Variants in STPG2 observed in about 807,000 individuals in gnomAD.
The protein encoded by STPG2 is sperm tail PG-rich repeat containing 2, also known as sperm-tail PG-rich repeat-containing protein 2.
STPG2 carries 56 observed loss-of-function variants against 54.2 expected under a neutral mutation model. The observed-to-expected ratio is 1.03, with a 90% confidence interval of 0.83 to 1.29. The LOEUF (loss-of-function observed/expected upper bound fraction) is 1.29, where lower values mean the gene tolerates loss of function less well. STPG2 is among the 50% of genes most tolerant of loss of function. The probability of loss-of-function intolerance (pLI) is 0.00; values close to 1 mark genes in which losing one functional copy is unlikely to be tolerated. For synonymous variants in STPG2, 200 were observed against 181.8 expected, an observed-to-expected ratio of 1.10 and a Z score of -0.81; for missense variants, 596 against 544.9, an observed-to-expected ratio of 1.09 and a Z score of -0.93.
chr4:97,477,223 C>T (rs1730094137), intron 4 of STPG2, among the ~76,000 whole-genome samples: 1 of 152,094 alleles, frequency 6.6e-6, no homozygotes, highest in African/African-American at 2.4e-5. Flanking sequence ...TAGTAACTGT[C>T]ATTATTTCTA....
At chr4:97,570,296 AT>A (rs1249872085) in intron 10 of STPG2, among the ~76,000 whole-genome samples, 1 of 152,176 alleles carries the variant, frequency 6.6e-6, no homozygotes, top group East Asian at 1.9e-4. Context: ...ACTCGGTTTT[AT>A]AATACATATA....
chr4:97,968,911 C>T (rs566466390), intron 7 of STPG2, among the ~76,000 whole-genome samples: 7 of 152,266 alleles, frequency 4.6e-5, no homozygotes, highest in South Asian at 2.1e-4. Flanking sequence ...AGCCTATGAA[C>T]GGATGTGCAG....
At chr4:97,867,603 T>A (rs1314993974) in intron 8 of STPG2, among the ~76,000 whole-genome samples, 2 of 152,056 alleles carry the variant, frequency 1.3e-5, no homozygotes, top group African/African-American at 4.8e-5. Flanking sequence ...AAGCTACACA[T>A]AACAGAAGCC....
chr4:97,565,573 T>A (rs919858765), intron 10 of STPG2, among the ~76,000 whole-genome samples: 1 of 152,168 alleles, frequency 6.6e-6, no homozygotes, highest in Admixed American at 6.5e-5. Context: ...TTTTATCTAC[T>A]TTTGGTCTTT....
rs149367463 is a variant in STPG2, at chr4:97,814,216, G to T, written c.1204+26557C>A. 4.8e-3 allele frequency among the ~76,000 whole-genome samples: 729 copies of T among 152,284 alleles called. 7 individuals are homozygous for T. Among genetic ancestry groups the T allele is most frequent in the Non-Finnish European group, 8.5e-3 (580 of 68,012 alleles). Reference sequence around the variant, plus strand: ...AGTGACTTACATTATTATGAAAGATGAAATGACCAAAACAATACCTTCCTT... The same window carrying T: ...AGTGACTTACATTATTATGAAAGATTAAATGACCAAAACAATACCTTCCTT... On this transcript the variant is annotated intron_variant, in intron 9 of 10. Transcript: ENST00000295268.
At chr4:97,541,383 G>T (rs75643818) in intron 4 of STPG2, among the ~76,000 whole-genome samples, 5 of 152,060 alleles carry the variant, frequency 3.3e-5, no homozygotes, top group South Asian at 2.1e-4. Flanking sequence ...GCTTCAAAGA[G>T]AATAAAATAC....
At chr4:97,481,979 C>G (rs939374488) in intron 4 of STPG2, among the ~76,000 whole-genome samples, 1 of 151,492 alleles carries the variant, frequency 6.6e-6, no homozygotes, top group African/African-American at 2.4e-5. Context: ...GTAATCTTTT[C>G]GTATAAATCA....
intron 9 of STPG2, among the ~76,000 whole-genome samples, chr4:97,835,233 C>G (rs1728595801): frequency 6.6e-6 from 1 of 152,088 alleles, no homozygotes; most frequent in Admixed American, 6.6e-5. Context: ...CTCACTGATA[C>G]ACTCCCACCA....
intron 10 of STPG2, among the ~76,000 whole-genome samples, chr4:97,637,628 AAGC>A (rs1219691228): frequency 6.6e-6 from 1 of 152,352 alleles, no homozygotes; most frequent in East Asian, 1.9e-4. Flanking sequence ...TTAAGCTGAT[AAGC>A]AACTTCAGCA....
chr4:97,636,044 T>C (rs1223074310), intron 10 of STPG2, among the ~76,000 whole-genome samples: 1 of 152,074 alleles, frequency 6.6e-6, no homozygotes. Context: ...ATACATTTTT[T>C]TCAGCACCAC....
At chr4:97,710,616 GT>G (rs1724083831) in intron 10 of STPG2, among the ~76,000 whole-genome samples, 1 of 151,920 alleles carries the variant, frequency 6.6e-6, no homozygotes, top group South Asian at 2.1e-4. Flanking sequence ...AACGTAAAAA[GT>G]TTACAGCAAA....
chr4:97,470,070 A>G (rs1217735929), intron 4 of STPG2, among the ~76,000 whole-genome samples: 1 of 152,164 alleles, frequency 6.6e-6, no homozygotes, highest in African/African-American at 2.4e-5. Flanking sequence ...ATGATGAGCT[A>G]TGATTGTAGA....
intron 7 of STPG2, among the ~76,000 whole-genome samples, chr4:97,971,928 C>T (rs2149256981): frequency 6.6e-6 from 1 of 152,210 alleles, no homozygotes; most frequent in East Asian, 1.9e-4. Flanking sequence ...CTCCCTAAGT[C>T]TTTACTTCTC....
intron 8 of STPG2, among the ~76,000 whole-genome samples, chr4:97,926,588 G>A (rs554571075): frequency 2.6e-5 from 4 of 152,164 alleles, no homozygotes; most frequent in Admixed American, 1.3e-4. Context: ...AAATGTTTCC[G>A]AAGTAAAACA....
At chr4:98,009,100 C>T (rs1735660951) in intron 5 of STPG2, among the ~76,000 whole-genome samples, 1 of 151,426 alleles carries the variant, frequency 6.6e-6, no homozygotes, top group African/African-American at 2.4e-5. Flanking sequence ...TTCATTTATC[C>T]TTTCTATTAA....
chr4:97,879,946 G>T (rs1254075828), intron 8 of STPG2, among the ~76,000 whole-genome samples: 1 of 152,152 alleles, frequency 6.6e-6, no homozygotes, highest in East Asian at 1.9e-4. Context: ...TCCCATTTCT[G>T]AGTATATATC....
chr4:97,811,358 ATAAAG>A (rs1375335778), intron 9 of STPG2, among the ~76,000 whole-genome samples: 1 of 152,194 alleles, frequency 6.6e-6, no homozygotes, highest in Non-Finnish European at 1.5e-5. Flanking sequence ...CATGTGTTGA[ATAAAG>A]TAACAGCCTT....
At chr4:97,519,284 T>C (rs1731135306) in intron 4 of STPG2, among the ~76,000 whole-genome samples, 1 of 152,050 alleles carries the variant, frequency 6.6e-6, no homozygotes, top group Non-Finnish European at 1.5e-5. Context: ...AGGGTGCTTA[T>C]CATCTCTGAT....
At chr4:98,023,041 T>G (rs1045396827) in intron 5 of STPG2, among the ~76,000 whole-genome samples, 9 of 152,228 alleles carry the variant, frequency 5.9e-5, no homozygotes, top group Admixed American at 1.3e-4. Flanking sequence ...TCCATCCAGC[T>G]TTGTTCTGTT....
Sources: gnomAD v4.1 joint callset for allele counts (sites outside exome capture counted in the v4.1 genomes callset) on GRCh38, gnomAD v4.1.1 for gene constraint, MANE v1.5 for transcripts, NCBI Gene and HGNC (gene_info 2026-07-23, HGNC 2026-07-21) for gene names.